The following PLCB3 variants were observed in gnomAD, a reference collection of about 807,000 sequenced individuals.
PLCB3 encodes the protein phospholipase C beta 3, also known as 1-phosphatidylinositol 4,5-bisphosphate phosphodiesterase beta-3.
In PLCB3, 54 loss-of-function variants were observed where a neutral mutation model predicts 152.1. The observed-to-expected ratio is 0.36, with a 90% confidence interval of 0.29 to 0.45. The LOEUF (loss-of-function observed/expected upper bound fraction) is 0.45. Among genes scored for constraint, PLCB3 ranks in the 20% least tolerant of loss-of-function variants. PLCB3 has a pLI of 1.00. For synonymous variants in PLCB3, 717 were observed against 698.7 expected (o/e 1.03, Z -0.41); for missense variants, 1,248 against 1,687.5 (o/e 0.74, Z 4.56).
rs1487909591 is a variant in PLCB3, at chr11:64,264,029, G to A, written c.2569G>A (p.Glu857Lys). Residue 857 changes from glutamate (E) to lysine (K), a missense_variant, in exon 22 of 31, where the codon GAG becomes AAG. Physicochemically the swap from Glu to Lys is moderately conservative, Grantham distance 56. This residue lies in a region of PLCB3 where 244 missense variants were observed against 424.4 expected (regional missense o/e 0.57). Transcript: ENST00000279230. ...YIPDDHQDYAEALINPIKHVS... is the reference protein window; with the variant it reads ...YIPDDHQDYAKALINPIKHVS... ...CTTCTGCCTCCCCCCAGACTATGCG[G>A]AGGCCCTGATCAACCCCATTAAGCA... 4.4e-6 allele frequency: 7 copies of A among 1,574,836 alleles called. No homozygotes were observed. Among genetic ancestry groups the A allele is most frequent in the Non-Finnish European group, 6.0e-6 (7 of 1,161,174 alleles).
chr11:64,254,249 C>T (rs1167248188), intron 1 of PLCB3, among the ~76,000 whole-genome samples, 166 bp from the exon 2 acceptor site: 2 of 152,076 alleles, frequency 1.3e-5, no homozygotes, highest in African/African-American at 4.8e-5. Flanking sequence ...AGGACCTTGG[C>T]TTTGTTCTGA....
In PLCB3 at chr11:64,267,907, A is replaced by G; in HGVS notation, c.*351A>G. 1 of 257,312 alleles carries G rather than the reference A, an allele frequency of 3.9e-6. No individual in the cohort carries two copies. The highest frequency in any genetic ancestry group is 7.5e-6 in the Non-Finnish European group (1 of 133,842). 15.9% of individuals were successfully genotyped at this position (257,312 alleles called of 1,614,324 possible). A position where few individuals can be genotyped will look rare whatever the true frequency, so the allele number is the denominator to read the frequency against. ...TTTGGGGATTTTTTTTACATGAATAAAAGTGGATTTCAGGGACCCTGTGTG... is the reference window on the plus strand; with the variant it reads ...TTTGGGGATTTTTTTTACATGAATAGAAGTGGATTTCAGGGACCCTGTGTG... On this transcript the variant is annotated 3_prime_UTR_variant, in exon 31 of 31. Transcript: ENST00000279230. The surrounding 1 kb of genome is among the most constrained non-coding windows in gnomAD (Gnocchi z 5.2).
chr11:64,255,956 G>A lies in PLCB3; in HGVS notation c.698+135G>A, dbSNP rs2031508726. On this transcript the variant is annotated intron_variant, in intron 8 of 30. Coordinates refer to ENST00000279230, the MANE Select transcript of PLCB3 (RefSeq NM_000932.5). This position sits in a 1 kb window ranked among gnomAD's most constrained non-coding sequence, Gnocchi z 6.8. ...CGCCAGGGGGCGGAGGGGTGCCCAG[G>A]GAGAACCTGTCGGTGATGTTCCTGT... 7 of 687,208 alleles carry A rather than the reference G, an allele frequency of 1.0e-5. No individual in the cohort carries two copies. The highest frequency in any genetic ancestry group is 1.8e-5 in the African/African-American group (1 of 56,700). 42.6% of individuals were successfully genotyped at this position (687,208 alleles called of 1,614,324 possible). A position where few individuals can be genotyped will look rare whatever the true frequency, so the allele number is the denominator to read the frequency against.
In PLCB3 at chr11:64,260,098, TG is replaced by T; in HGVS notation, c.1597del (p.Glu533SerfsTer11). On this transcript the variant is annotated frameshift_variant, in exon 14 of 31. Coordinates refer to ENST00000279230, the MANE Select transcript of PLCB3 (RefSeq NM_000932.5). LOFTEE classifies it high-confidence loss of function. ...GAGGTAGGGCTTGAGAAGCCCAGCCTGGAGCCTCAGAAGTCTCTGGGTGACG... is the reference window on the plus strand; with the variant it reads ...GAGGTAGGGCTTGAGAAGCCCAGCCTGAGCCTCAGAAGTCTCTGGGTGACG... ...GEEVGLEKPS[L>X]EPQKSLGDEG... 1 of 1,612,274 alleles carries T rather than the reference TG, an allele frequency of 6.2e-7. No homozygotes were observed. Among genetic ancestry groups the T allele is most frequent in the Admixed American group, 1.7e-5 (1 of 59,418 alleles).
At position 64,258,697 on chromosome 11, in the gene PLCB3, G is replaced by A. The variant is rs770882924; in HGVS notation, c.1237G>A (p.Glu413Lys). 1 of 1,613,852 alleles carries A rather than the reference G, an allele frequency of 6.2e-7. No homozygotes were observed. Among genetic ancestry groups the A allele is most frequent in the South Asian group, 1.1e-5 (1 of 91,072 alleles). ...GCCCTACCCCGTCATCCTCTCCTTC[G>A]AGAACCATGTGGACTCGTGAGTGAG... ...TSPYPVILSF[E>K]NHVDSAKQQA... The change falls in exon 11 of 31, where the codon GAG becomes AAG. Residue 413 changes from glutamate (E) to lysine (K), a missense_variant. By Grantham distance (56) the Glu-to-Lys change is moderately conservative. Around this residue, in one of 6 missense-constraint regions of PLCB3, gnomAD observed 122 missense variants for 221.8 expected, o/e 0.55. Transcript: ENST00000279230. This position sits in a 1 kb window ranked among gnomAD's most constrained non-coding sequence, Gnocchi z 7.2.
chr11:64,259,435 C>T (rs1207060254), intron 13 of PLCB3, among the ~76,000 whole-genome samples, 191 bp downstream of exon 13: 1 of 152,140 alleles, frequency 6.6e-6, no homozygotes, highest in African/African-American at 2.4e-5. Flanking sequence ...CTCAGGTGCA[C>T]GTCTCACCCA....
Position 64,255,636 on chromosome 11 carries a change from G to T in PLCB3, c.597+20G>T. On this transcript the variant is annotated intron_variant, in intron 7 of 30. Transcript: ENST00000279230. The surrounding 1 kb of genome is among the most constrained non-coding windows in gnomAD (Gnocchi z 6.8). ...AACCGGGTGTGTGGGGTGGGGACAG[G>T]GGCGGGGTGGGGTGTCACGGTGGGC... 2 of 1,583,266 alleles carry T rather than the reference G, an allele frequency of 1.3e-6. No homozygotes were observed. The highest frequency in any genetic ancestry group is 1.7e-6 in the Non-Finnish European group (2 of 1,153,660).
intron 24 of PLCB3, 25 bp from the exon 25 acceptor site, chr11:64,265,285 C>A: frequency 9.0e-7 from 1 of 1,108,068 alleles, no homozygotes; most frequent in Non-Finnish European, 1.3e-6. Context: ...CCACCCCCCG[C>A]CCACCTTTGC....
chr11:64,268,674 T>A (rs1281272319), downstream of PLCB3: 1 of 152,370 alleles, frequency 6.6e-6, no homozygotes, highest in Non-Finnish European at 1.5e-5. Flanking sequence ...GAGCCCACAG[T>A]GCGGGCTCCA....
Position 64,256,370 on chromosome 11 carries a change from C to T in PLCB3, c.699-6C>T, listed in dbSNP as rs749304858. On this transcript the variant is annotated splice_region_variant and splice_polypyrimidine_tract_variant and intron_variant, in intron 8 of 30. Coordinates refer to ENST00000279230, the MANE Select transcript of PLCB3 (RefSeq NM_000932.5). ...CCATCCTGACCCAGCTTCCTGTCCC[C>T]TCCAGAGGCGCCAAGGGCAAGCCAT... The T allele has an allele frequency of 1.2e-6, 2 of 1,612,864 alleles. No individual in the cohort carries two copies. The highest frequency in any genetic ancestry group is 3.3e-5 in the Admixed American group (2 of 59,950).
chr11:64,267,562 C>G lies in PLCB3; in HGVS notation c.*6C>G. 6.4e-7 allele frequency: 1 copy of G among 1,557,292 alleles called. No individual in the cohort carries two copies. The highest frequency in any genetic ancestry group is 8.6e-7 in the Non-Finnish European group (1 of 1,156,810). On this transcript the variant is annotated 3_prime_UTR_variant, in exon 31 of 31. Coordinates refer to ENST00000279230, the MANE Select transcript of PLCB3 (RefSeq NM_000932.5). The surrounding 1 kb of genome is among the most constrained non-coding windows in gnomAD (Gnocchi z 5.2). ...AGGAGAACACGCAGCTCTGAACTGG[C>G]TGAGCGAGGTGGCCACAGGGCCAGG...
In PLCB3 at chr11:64,251,699, C is replaced by T; in HGVS notation, c.50C>T (p.Thr17Ile). The T allele has an allele frequency of 1.3e-6, 2 of 1,486,482 alleles. No homozygotes were observed. The highest frequency in any genetic ancestry group is 1.8e-6 in the Non-Finnish European group (2 of 1,116,158). The allele number at this position is 1,486,482 out of a possible 1,614,324, so 92.1% of individuals were successfully genotyped here. ...CACGCGCTGCAGTTGGAGCCGCCCACCGTGGTGGAGACCCTGCGGCGCGGG... is the reference window on the plus strand; with the variant it reads ...CACGCGCTGCAGTTGGAGCCGCCCATCGTGGTGGAGACCCTGCGGCGCGGG... The part of the protein sequence containing the change: ...GVHALQLEPP[T>I]VVETLRRGSK... Residue 17 changes from threonine to isoleucine, a missense_variant, in exon 1 of 31, where the codon ACC becomes ATC. By Grantham distance (89) the Thr-to-Ile change is moderately conservative (BLOSUM62 -1). Around this residue, in one of 6 missense-constraint regions of PLCB3, gnomAD observed 299 missense variants for 434.7 expected, o/e 0.69. Coordinates refer to ENST00000279230, the MANE Select transcript of PLCB3 (RefSeq NM_000932.5).
chr11:64,264,843 A>C, intron 22 of PLCB3, 108 bp from the exon 23 acceptor site: 2 of 1,021,694 alleles, frequency 2.0e-6, no homozygotes, highest in South Asian at 2.7e-5. Flanking sequence ...AGTGGCTTGG[A>C]CTAAGGGAGG....
chr11:64,252,986 G>A (rs912981306), intron 1 of PLCB3, among the ~76,000 whole-genome samples: 6 of 152,216 alleles, frequency 3.9e-5, no homozygotes, highest in Admixed American at 1.3e-4. Flanking sequence ...TTGGGAATCC[G>A]GAGAAGTGCT....
intron 1 of PLCB3, among the ~76,000 whole-genome samples, chr11:64,251,980 CTT>C (rs2031230750): frequency 6.6e-6 from 1 of 152,044 alleles, no homozygotes; most frequent in Non-Finnish European, 1.5e-5. Context: ...GGCGCAGAGA[CTT>C]TGAACCCCAA....
Position 64,267,337 on chromosome 11 carries a change from C to T in PLCB3, c.3502-16C>T, listed in dbSNP as rs1052713819. The T allele has an allele frequency of 6.5e-7, 1 of 1,549,152 alleles. No individual in the cohort carries two copies. Among genetic ancestry groups the T allele is most frequent in the Non-Finnish European group, 8.7e-7 (1 of 1,145,462 alleles). On this transcript the variant is annotated splice_polypyrimidine_tract_variant and intron_variant, in intron 30 of 30. Coordinates refer to ENST00000279230, the MANE Select transcript of PLCB3 (RefSeq NM_000932.5). The surrounding 1 kb of genome is among the most constrained non-coding windows in gnomAD (Gnocchi z 5.2). The stretch of plus-strand genomic sequence containing the variant: ...GCAGCCAGGCCTCGCCTGTGATGCC[C>T]ATCCTTCTCCCACAGCTGCTGGCCC...
chr11:64,268,623 T>G (rs769246898), downstream of PLCB3: 3 of 152,360 alleles, frequency 2.0e-5, no homozygotes, highest in Non-Finnish European at 4.4e-5. Flanking sequence ...TCAGCCAGCC[T>G]GGACCTGTCC....
chr11:64,254,952 G>A lies in PLCB3; in HGVS notation c.301G>A (p.Glu101Lys). 6.2e-7 allele frequency: 1 copy of A among 1,601,858 alleles called. No homozygotes were observed. Among genetic ancestry groups the A allele is most frequent in the Non-Finnish European group, 8.5e-7 (1 of 1,172,754 alleles). Residue 101 changes from glutamate to lysine, a missense_variant, in exon 4 of 31, where the codon GAG (glutamate) becomes AAG (lysine). Glu to Lys is a moderately conservative substitution (Grantham distance 56). Coordinates refer to ENST00000279230, the MANE Select transcript of PLCB3 (RefSeq NM_000932.5). ...TGGGGGTCCCGATGCCCGGCTGGAG[G>A]AGAAGCTGATGACGGTGGTGTCTGG... ...GFGGPDARLE[E>K]KLMTVVSGPD...
chr11:64,259,157 A>G lies in PLCB3; in HGVS notation c.1438A>G (p.Ser480Gly), dbSNP rs747975479. The G allele has an allele frequency of 3.2e-5, 52 of 1,608,050 alleles. 1 individual carries two copies. The highest frequency in any genetic ancestry group is 3.1e-4 in the South Asian group (28 of 90,248). Residue 480 changes from serine to glycine, a missense_variant, in exon 13 of 31, where the codon AGC (serine) becomes GGC (glycine). Around this residue, in one of 6 missense-constraint regions of PLCB3, gnomAD observed 122 missense variants for 221.8 expected, o/e 0.55. Coordinates refer to ENST00000279230, the MANE Select transcript of PLCB3 (RefSeq NM_000932.5). Reference sequence around the variant, plus strand: ...CCGACCCAGCGCAGGTGGCCCAGACAGCGCCGGGCGCAAGCGGCCCCTGGA... The same window carrying G: ...CCGACCCAGCGCAGGTGGCCCAGACGGCGCCGGGCGCAAGCGGCCCCTGGA... ...RHRPSAGGPD[S>G]AGRKRPLEQS...
Sources: allele counts gnomAD v4.1 joint callset (sites outside exome capture counted in the v4.1 genomes callset), GRCh38; gene constraint gnomAD v4.1.1; regional missense constraint gnomAD v4.1.1; non-coding constraint Gnocchi (gnomAD v3.1); transcripts MANE v1.5; gene names NCBI Gene and HGNC (gene_info 2026-07-23, HGNC 2026-07-21).